RBFOX1: variants seen among roughly 807,000 people sequenced by gnomAD.
RBFOX1 encodes RNA binding protein fox-1 homolog 1.
RBFOX1 carries 8 observed loss-of-function variants against 57.7 expected under a neutral mutation model. That is an observed-to-expected ratio of 0.14 (90% CI 0.08 to 0.25). RBFOX1 has a LOEUF of 0.25. RBFOX1 is among the 10% of genes least tolerant of loss of function. The pLI is 1.00. For missense variants in RBFOX1, 611 were observed against 548.5 expected, an observed-to-expected ratio of 1.11 and a Z score of -1.14; for synonymous variants, 326 against 222.4, an observed-to-expected ratio of 1.47 and a Z score of -4.15.
rs538983212 is a variant in RBFOX1 at position 5,805,213 on chromosome 16, C to G, written c.319-62090C>G. 3.9e-5 allele frequency among the ~76,000 whole-genome samples: 6 copies of G among 152,126 alleles called. No individual in the cohort carries two copies. In the South Asian group the frequency reaches 1.2e-3, roughly 32 times the overall value. On this transcript the variant is annotated intron_variant, in intron 3 of 19. Coordinates refer to the RBFOX1 transcript ENST00000641259. Reference sequence around the variant, plus strand: ...ACAGTAAATGAAACACTGTGTTCAGCCCTGGAATAGAGCCTGGATTAAAAT... The same window carrying G: ...ACAGTAAATGAAACACTGTGTTCAGGCCTGGAATAGAGCCTGGATTAAAAT...
chr16:5,275,667 A>G (rs902215279), intron 1 of RBFOX1, among the ~76,000 whole-genome samples: 1 of 152,194 alleles, frequency 6.6e-6, no homozygotes, highest in Non-Finnish European at 1.5e-5. Flanking sequence ...ATCATTCTTT[A>G]TAGAACTAGA....
At chr16:5,383,746 G>A (rs192134430) in intron 1 of RBFOX1, among the ~76,000 whole-genome samples, 81 of 152,286 alleles carry the variant, frequency 5.3e-4, no homozygotes, top group Non-Finnish European at 9.4e-4. Context: ...TTTATTAGAG[G>A]ACCTCAGCCA....
chr16:7,155,859 A>G (rs10445042), intron 4 of RBFOX1, among the ~76,000 whole-genome samples: 9,206 of 151,382 alleles, frequency 0.061, 370 homozygotes, highest in East Asian at 0.14. Flanking sequence ...GATGAACCAT[A>G]TGTAGTGGTC....
rs11640486 is a variant in RBFOX1 at position 5,295,535 on chromosome 16, C to T, written c.219+55430C>T. On this transcript the variant is annotated intron_variant, in intron 1 of 2. Coordinates refer to the RBFOX1 transcript ENST00000585867. The stretch of plus-strand genomic sequence containing the variant: ...CGGGTGATTGATCTGCTTCCAGGCT[C>T]ATCTGGTTGTTGGCAGCATTCAGTT... Among the ~76,000 whole-genome samples, 829 of 152,262 alleles carry T rather than the reference C, an allele frequency of 5.4e-3. 3 individuals are homozygous for T. The highest frequency in any genetic ancestry group is 8.4e-3 in the Non-Finnish European group (574 of 68,018).
In RBFOX1 at chr16:7,146,120, GTC is replaced by G. The variant is rs541143386; in HGVS notation, c.27+94024_27+94025del. Among the ~76,000 whole-genome samples the G allele has an allele frequency of 1.4e-3, 207 of 152,310 alleles. 2 individuals are homozygous for G. In the South Asian group the frequency reaches 0.018, roughly 13 times the overall value. ...AAATGAACTTTGCCTGTCAAAGCTTGTCTAGGTTAAGGGATGAGCAATGGCAC... is the reference window on the plus strand; with the variant it reads ...AAATGAACTTTGCCTGTCAAAGCTTGTAGGTTAAGGGATGAGCAATGGCAC... On this transcript the variant is annotated intron_variant, in intron 4 of 15. Transcript: ENST00000550418.
chr16:6,342,540 G>C (rs551847248), intron 2 of RBFOX1, among the ~76,000 whole-genome samples: 3 of 152,254 alleles, frequency 2.0e-5, no homozygotes, highest in Admixed American at 2.0e-4. Flanking sequence ...CGAGATTCAA[G>C]GTTGAGGCAT....
chr16:6,290,719 A>G (rs1183864399), intron 1 of RBFOX1, among the ~76,000 whole-genome samples: 2 of 152,184 alleles, frequency 1.3e-5, no homozygotes, highest in African/African-American at 4.8e-5. Context: ...AGTTTTTACT[A>G]TTCTGTAAAA....
chr16:5,851,936 C>T (rs1012624301), intron 3 of RBFOX1, among the ~76,000 whole-genome samples: 1 of 152,124 alleles, frequency 6.6e-6, no homozygotes, highest in Non-Finnish European at 1.5e-5. Flanking sequence ...TCATTAGAGG[C>T]ACCCGAATTA....
chr16:6,897,801 A>G (rs187133281), intron 3 of RBFOX1, among the ~76,000 whole-genome samples: 1 of 152,142 alleles, frequency 6.6e-6, no homozygotes, highest in Non-Finnish European at 1.5e-5. Flanking sequence ...CTCAAAAAAT[A>G]AAAAAAGGCT....
chr16:5,464,715 A>G (rs1247716885), intron 1 of RBFOX1, among the ~76,000 whole-genome samples: 2 of 152,332 alleles, frequency 1.3e-5, no homozygotes, highest in East Asian at 3.9e-4. Context: ...GGCAAGAAGC[A>G]AAGAAAACAG....
chr16:7,481,236 C>T lies in RBFOX1; in HGVS notation c.28-36911C>T, dbSNP rs184618606. On this transcript the variant is annotated intron_variant, in intron 4 of 15. Coordinates refer to ENST00000550418, the MANE Select transcript of RBFOX1 (RefSeq NM_018723.4). ...TCAGAAGTACTTGGGATAAAATATA[C>T]AGCAAGAAACATAGAGCCCCCGTCT... Among the ~76,000 whole-genome samples, 178 of 152,260 alleles carry T rather than the reference C, an allele frequency of 1.2e-3. 1 individual carries two copies. The highest frequency in any genetic ancestry group is 4.1e-3 in the African/African-American group (171 of 41,542).
At chr16:7,139,269 C>T (rs991035448) in intron 4 of RBFOX1, among the ~76,000 whole-genome samples, 2 of 151,420 alleles carry the variant, frequency 1.3e-5, no homozygotes, top group Non-Finnish European at 2.9e-5. Context: ...TTCATTATAG[C>T]TACTCTGTCA....
Position 6,057,825 on chromosome 16 carries a change from G to GTTTTTTT in RBFOX1, c.-127+37850_-127+37856dup, listed in dbSNP as rs34335596. 7.4e-4 allele frequency among the ~76,000 whole-genome samples: 60 copies of GTTTTTTT among 81,086 alleles called. 2 individuals carry two copies. Among genetic ancestry groups the GTTTTTTT allele is most frequent in the African/African-American group, 9.7e-4 (18 of 18,508 alleles). 53.2% of individuals were successfully genotyped at this position (81,086 alleles called of 152,430 possible). ...GAAATTTTATGAGGGTTTGCTATGG[G>GTTTTTTT]TTTTTTTTTTTTTTTTTTTTTTTGA... On this transcript the variant is annotated intron_variant, in intron 1 of 15. Transcript: ENST00000550418.
At chr16:5,887,177 C>G (rs550699947) in intron 4 of RBFOX1, among the ~76,000 whole-genome samples, 1 of 152,192 alleles carries the variant, frequency 6.6e-6, no homozygotes, top group African/African-American at 2.4e-5. Flanking sequence ...TAATTGGAGT[C>G]CTAAGAAGAC....
At chr16:5,580,179 G>C (rs2046615583) in intron 2 of RBFOX1, among the ~76,000 whole-genome samples, 1 of 152,208 alleles carries the variant, frequency 6.6e-6, no homozygotes, top group African/African-American at 2.4e-5. Flanking sequence ...GCCCAGCGTA[G>C]TGATGGTGCC....
At chr16:5,461,687 G>C (rs562206362) in intron 1 of RBFOX1, among the ~76,000 whole-genome samples, 31 of 152,264 alleles carry the variant, frequency 2.0e-4, no homozygotes, top group African/African-American at 5.1e-4. Flanking sequence ...GGTGCATTTG[G>C]TGGGTTTCCT....
intron 4 of RBFOX1, among the ~76,000 whole-genome samples, chr16:7,065,384 G>A (rs144527425): frequency 3.9e-4 from 59 of 152,116 alleles, no homozygotes; most frequent in Middle Eastern, 6.9e-3. Context: ...CTGCCCACTC[G>A]TGTTCAGCAT....
chr16:6,979,943 C>G (rs553816135), intron 3 of RBFOX1, among the ~76,000 whole-genome samples: 2 of 152,112 alleles, frequency 1.3e-5, no homozygotes, highest in Admixed American at 1.3e-4. Context: ...TCTGAGAGGT[C>G]TCTGGGGAAG....
chr16:7,234,219 A>G (rs552117172), intron 4 of RBFOX1, among the ~76,000 whole-genome samples: 1 of 152,100 alleles, frequency 6.6e-6, no homozygotes, highest in African/African-American at 2.4e-5. Flanking sequence ...GAGGGCTCAC[A>G]TGCTGGAGGC....
Sources: gnomAD v4.1 joint callset for allele counts (sites outside exome capture counted in the v4.1 genomes callset) on GRCh38, gnomAD v4.1.1 for gene constraint, MANE v1.5 for transcripts, NCBI Gene and HGNC (gene_info 2026-07-23, HGNC 2026-07-21) for gene names.